RAB3C: variants seen among roughly 807,000 people sequenced by gnomAD.
The protein encoded by RAB3C is RAB3C, member RAS oncogene family, also known as ras-related protein Rab-3C.
RAB3C carries 17 observed loss-of-function variants against 26.4 expected under a neutral mutation model. The observed-to-expected ratio is 0.64, with a 90% CI of 0.44 to 0.97. The LOEUF (loss-of-function observed/expected upper bound fraction) is 0.97, where lower values mean the gene tolerates loss of function less well. RAB3C is among the 50% of genes least tolerant of loss of function. The pLI is 0.00. For missense variants in RAB3C, 242 were observed against 281.9 expected (o/e 0.86, Z 1.01); for synonymous variants, 91 against 95.9 (o/e 0.95, Z 0.30).
In RAB3C at chr5:58,617,813, C is replaced by T. The variant is rs140076663; in HGVS notation, c.195C>T (p.Ile65=). ...CTGCATTCGTCAGCACAGTTGGGAT[C>T]GATTTCAAAGTAAAAACTGTATTCA... The part of the protein sequence containing the change: ...FTSAFVSTVG[I]DFKVKTVFKN... The change falls in exon 2 of 5, where the codon ATC becomes ATT. Residue 65 remains isoleucine (I), a synonymous_variant. Transcript: ENST00000282878. 36 of 1,613,172 alleles carry T rather than the reference C, an allele frequency of 2.2e-5. 1 individual carries two copies. The South Asian group carries it at 2.7e-4, about 12-fold the overall frequency.
intron 4 of RAB3C, among the ~76,000 whole-genome samples, chr5:58,828,924 GA>G (rs1450169309): frequency 1.0e-4 from 13 of 130,258 alleles, no homozygotes; most frequent in East Asian, 6.6e-4. Context: ...TTTTTTTTTG[GA>G]TGGAGTCTCG....
chr5:58,830,018 T>C (rs1169802524), intron 4 of RAB3C, among the ~76,000 whole-genome samples: 2 of 152,102 alleles, frequency 1.3e-5, no homozygotes, highest in Non-Finnish European at 2.9e-5. Flanking sequence ...TATGAACACG[T>C]AAACAGGGCT....
At chr5:58,747,206 A>G (rs996688877) in intron 3 of RAB3C, among the ~76,000 whole-genome samples, 1 of 152,222 alleles carries the variant, frequency 6.6e-6, no homozygotes, top group African/African-American at 2.4e-5. Flanking sequence ...AGGATCTTTA[A>G]TAGATCTTTT....
chr5:58,771,283 G>A (rs922866325), intron 3 of RAB3C, among the ~76,000 whole-genome samples: 1 of 151,964 alleles, frequency 6.6e-6, no homozygotes. Context: ...ATAAATATGG[G>A]TATACATATG....
chr5:58,607,858 A>G (rs112927823), intron 1 of RAB3C, among the ~76,000 whole-genome samples: 21,585 of 152,124 alleles, frequency 0.14, 1,741 homozygotes, highest in Middle Eastern at 0.2. Context: ...CAGACAAGCA[A>G]ATCCTTTACA....
intron 3 of RAB3C, among the ~76,000 whole-genome samples, chr5:58,770,960 G>T (rs1435827373): frequency 6.6e-6 from 1 of 152,076 alleles, no homozygotes; most frequent in Non-Finnish European, 1.5e-5. Flanking sequence ...AATAAGAATG[G>T]TTTAAAAATA....
intron 2 of RAB3C, among the ~76,000 whole-genome samples, chr5:58,661,951 A>G (rs1010264594): frequency 6.7e-6 from 1 of 150,044 alleles, no homozygotes. Flanking sequence ...TAGCAGAGGT[A>G]AATATTCAGG....
intron 1 of RAB3C, among the ~76,000 whole-genome samples, chr5:58,594,479 G>A (rs1428590299): frequency 6.6e-6 from 1 of 152,130 alleles, no homozygotes; most frequent in East Asian, 1.9e-4. Flanking sequence ...GCTTTTGAAT[G>A]GAAAGCAGGG....
At position 58,693,330 on chromosome 5, in the gene RAB3C, A is replaced by ATATG. The variant is rs1554048058; in HGVS notation, c.253-32670_253-32667dup. Among the ~76,000 whole-genome samples the ATATG allele has an allele frequency of 1.8e-3, 179 of 100,900 alleles. 1 individual carries two copies. Among genetic ancestry groups the ATATG allele is most frequent in the African/African-American group, 6.6e-3 (161 of 24,460 alleles). The allele number at this position is 100,900 out of a possible 152,430, so 66.2% of individuals were successfully genotyped here. On this transcript the variant is annotated intron_variant, in intron 2 of 4. Coordinates refer to ENST00000282878, the MANE Select transcript of RAB3C (RefSeq NM_138453.4). ...TAAATAAAATTAAGAAATTATATATATATGTGTATATATATATATATATAT... is the reference window on the plus strand; with the variant it reads ...TAAATAAAATTAAGAAATTATATATATATGTATGTGTATATATATATATATATAT...
At chr5:58,808,963 C>G (rs1444796389) in intron 3 of RAB3C, among the ~76,000 whole-genome samples, 1 of 152,086 alleles carries the variant, frequency 6.6e-6, no homozygotes, top group Admixed American at 6.6e-5. Context: ...AATTTGGTAG[C>G]CATGGATTTC....
intron 2 of RAB3C, among the ~76,000 whole-genome samples, chr5:58,666,756 C>T (rs540481767): frequency 1.3e-5 from 2 of 152,072 alleles, no homozygotes; most frequent in Admixed American, 6.6e-5. Context: ...GAAGAAACTG[C>T]GACTTCTCTG....
intron 3 of RAB3C, among the ~76,000 whole-genome samples, chr5:58,811,908 A>G (rs1472631798): frequency 6.6e-6 from 1 of 150,886 alleles, no homozygotes; most frequent in Admixed American, 6.6e-5. Context: ...CAGAGACCCC[A>G]GCCCCATTCA....
intron 2 of RAB3C, among the ~76,000 whole-genome samples, chr5:58,723,504 T>C (rs1175340737): frequency 9.2e-5 from 14 of 151,786 alleles, no homozygotes; most frequent in Non-Finnish European, 1.6e-4. Context: ...GGATCACTCT[T>C]CTCTAAACTT....
chr5:58,818,594 A>G (rs775686793), intron 3 of RAB3C, among the ~76,000 whole-genome samples: 4 of 152,224 alleles, frequency 2.6e-5, no homozygotes, highest in Non-Finnish European at 5.9e-5. Flanking sequence ...GTTAACTGCC[A>G]TTTGCAGAGT....
At chr5:58,683,198 A>T (rs1186101802) in intron 2 of RAB3C, among the ~76,000 whole-genome samples, 1 of 152,192 alleles carries the variant, frequency 6.6e-6, no homozygotes, top group African/African-American at 2.4e-5. Flanking sequence ...ATCTCTTTGC[A>T]TTAGCTACAG....
Position 58,832,633 on chromosome 5 carries a change from G to A in RAB3C, c.496+7471G>A, listed in dbSNP as rs561755796. On this transcript the variant is annotated intron_variant, in intron 4 of 4. Transcript: ENST00000282878. Reference sequence around the variant, plus strand: ...GAGGCATGGACTCAGTGCTAGAGGAGCTTAAAAGATTAAGAATGTCCCTGT... The same window carrying A: ...GAGGCATGGACTCAGTGCTAGAGGAACTTAAAAGATTAAGAATGTCCCTGT... Among the ~76,000 whole-genome samples the A allele has an allele frequency of 2.0e-5, 3 of 152,324 alleles. No homozygotes were observed. The South Asian group carries it at 6.2e-4, about 32-fold the overall frequency.
chr5:58,592,254 G>A (rs971329483), intron 1 of RAB3C, among the ~76,000 whole-genome samples: 3 of 151,780 alleles, frequency 2.0e-5, no homozygotes, highest in African/African-American at 4.8e-5. Context: ...TTTATCCTAC[G>A]GATTACAATA....
In RAB3C at chr5:58,664,302, C is replaced by T. The variant is rs184881545; in HGVS notation, c.252+46432C>T. ...TACAACTGAGCGATAAAGAGAAATG[C>T]ACTATTGATAACACAGTAACCTGGA... On this transcript the variant is annotated intron_variant, in intron 2 of 4. Transcript: ENST00000282878. Among the ~76,000 whole-genome samples, 7 of 152,202 alleles carry T rather than the reference C, an allele frequency of 4.6e-5. No individual in the cohort carries two copies. The East Asian group carries it at 1.3e-3, about 29-fold the overall frequency.
Position 58,614,994 on chromosome 5 carries a change from A to G in RAB3C, c.25-2649A>G, listed in dbSNP as rs573725873. Among the ~76,000 whole-genome samples, 5 of 152,290 alleles carry G rather than the reference A, an allele frequency of 3.3e-5. No homozygotes were observed. The East Asian group carries it at 5.8e-4, about 18-fold the overall frequency. ...CTGTACAGGAGAATATGCATAAGTCATATGTGAATACCACACCATTTTATA... is the reference window on the plus strand; with the variant it reads ...CTGTACAGGAGAATATGCATAAGTCGTATGTGAATACCACACCATTTTATA... On this transcript the variant is annotated intron_variant, in intron 1 of 4. Transcript: ENST00000282878.
Sources: allele counts gnomAD v4.1 joint callset (sites outside exome capture counted in the v4.1 genomes callset), GRCh38; gene constraint gnomAD v4.1.1; transcripts MANE v1.5; gene names NCBI Gene and HGNC (gene_info 2026-07-23, HGNC 2026-07-21).